SERAC1: variants seen among roughly 807,000 people sequenced by gnomAD.
SERAC1 encodes protein SERAC1.
In SERAC1, 36 loss-of-function variants were observed where a neutral mutation model predicts 85.7. The observed-to-expected ratio is 0.42, with a 90% CI of 0.32 to 0.55. The LOEUF (loss-of-function observed/expected upper bound fraction) is 0.55, where lower values mean the gene tolerates loss of function less well. Among genes scored for constraint, SERAC1 ranks in the 20% least tolerant of loss-of-function variants. The pLI is 0.11. For synonymous variants in SERAC1, 242 were observed against 265.3 expected (o/e 0.91, Z 0.85); for missense variants, 629 against 796.2 (o/e 0.79, Z 2.53).
At position 158,168,258 on chromosome 6, in the gene SERAC1, A is replaced by G. The variant is rs572533230; in HGVS notation, c.-120T>C. The G allele has an allele frequency of 3.3e-5, 5 of 151,042 alleles. No individual in the cohort carries two copies. The highest frequency in any genetic ancestry group is 6.6e-5 in the Admixed American group (1 of 15,182). 9.4% of individuals were successfully genotyped at this position (151,042 alleles called of 1,614,324 possible). On this transcript the variant is annotated 5_prime_UTR_variant, in exon 1 of 17. Coordinates refer to ENST00000647468, the MANE Select transcript of SERAC1 (RefSeq NM_032861.4). ...TCCACCCGGCGGCTGGCGGCTCGTG[A>G]CCCCGCCCCCTCGGCCCGCTCTGGG... is the stretch of plus-strand genomic sequence containing the variant.
intron 8 of SERAC1, among the ~76,000 whole-genome samples, chr6:158,138,784 G>T (rs1784854345): frequency 1.3e-5 from 2 of 152,288 alleles, no homozygotes; most frequent in Non-Finnish European, 2.9e-5. Context: ...GAGAAGGGAT[G>T]AATACAGATT....
chr6:158,139,889 G>C (rs1784876701), intron 8 of SERAC1, among the ~76,000 whole-genome samples: 1 of 152,060 alleles, frequency 6.6e-6, no homozygotes, highest in African/African-American at 2.4e-5. Context: ...CCAGAATGAA[G>C]ATACTACTTC....
intron 1 of SERAC1, among the ~76,000 whole-genome samples, chr6:158,167,525 G>A (rs1470309271): frequency 1.7e-5 from 2 of 120,990 alleles, no homozygotes; most frequent in Non-Finnish European, 1.6e-5. Context: ...CAGACAGACC[G>A]AGACTCCATC....
At chr6:158,115,073 G>A in intron 14 of SERAC1, 102 bp from the exon 15 acceptor site, 1 of 1,255,486 alleles carries the variant, frequency 8.0e-7, no homozygotes, top group Non-Finnish European at 1.1e-6. Flanking sequence ...AAAAAGAGAT[G>A]CTTTCTTTTT....
chr6:158,146,784 T>C lies in SERAC1; in HGVS notation c.485A>G (p.His162Arg). 6.2e-7 allele frequency: 1 copy of C among 1,613,522 alleles called. No individual in the cohort carries two copies. Among genetic ancestry groups the C allele is most frequent in the Non-Finnish European group, 8.5e-7 (1 of 1,179,610 alleles). Residue 162 changes from histidine (H) to arginine (R), a missense_variant and splice_region_variant, in exon 6 of 17, where the codon CAT (histidine) becomes CGT (arginine). By Grantham distance (29) the His-to-Arg change is conservative. Coordinates refer to ENST00000647468, the MANE Select transcript of SERAC1 (RefSeq NM_032861.4). ...ACCTGTTCAGGTAGTCTCATTACCA[T>C]GCCAGTGATGGGTCTCCGACATTTC... ...VREMSETHHWHDYQYRIIAQA... is the reference protein window; with the variant it reads ...VREMSETHHWRDYQYRIIAQA...
chr6:158,124,748 AACACACACACACACACACACAC>A (rs201023302), intron 10 of SERAC1, among the ~76,000 whole-genome samples: 1 of 131,406 alleles, frequency 7.6e-6, no homozygotes, highest in Non-Finnish European at 1.6e-5. Flanking sequence ...AATGCTGGAA[AACACACACACACACACACACAC>A]ACACACACAC....
intron 8 of SERAC1, among the ~76,000 whole-genome samples, chr6:158,139,862 G>A (rs1027134722): frequency 2.0e-5 from 3 of 152,202 alleles, no homozygotes; most frequent in Non-Finnish European, 4.4e-5. Context: ...TTAAGCATTA[G>A]GAAATGCAAA....
chr6:158,137,879 CA>C (rs1242887531), intron 8 of SERAC1, among the ~76,000 whole-genome samples: 1 of 150,726 alleles, frequency 6.6e-6, no homozygotes, highest in Non-Finnish European at 1.5e-5. Context: ...ACCCTCATCT[CA>C]AAAAAAAGGT....
chr6:158,148,944 C>T lies in SERAC1; in HGVS notation c.276G>A (p.Trp92Ter). 6.2e-7 allele frequency: 1 copy of T among 1,602,598 alleles called. No homozygotes were observed. The highest frequency in any genetic ancestry group is 8.5e-7 in the Non-Finnish European group (1 of 1,172,714). ...CTTTGTGAAGTTCTTTTCTTGCCTG[C>T]CAGGCAATACCTAAAATGATTATAA... is the stretch of plus-strand genomic sequence containing the variant. ...LDKGENHGIA[W>*]QARKELHKAV... is the part of the protein sequence containing the mutation. Residue 92 changes from tryptophan to a stop codon, truncating the protein, a stop_gained, in exon 5 of 17, where the codon TGG becomes TGA. Transcript: ENST00000647468. LOFTEE classifies it high-confidence loss of function.
At chr6:158,122,196 G>A (rs1784439194) in intron 10 of SERAC1, among the ~76,000 whole-genome samples, 2 of 152,232 alleles carry the variant, frequency 1.3e-5, no homozygotes, top group Admixed American at 1.3e-4. Flanking sequence ...CAGCCTAGGT[G>A]TGGAATAGGT....
intron 8 of SERAC1, among the ~76,000 whole-genome samples, chr6:158,141,692 A>G (rs139481417): frequency 5.8e-4 from 89 of 152,330 alleles, no homozygotes; most frequent in African/African-American, 2.0e-3. Flanking sequence ...AGAGCCAGGG[A>G]TACCTTGTCA....
intron 10 of SERAC1, among the ~76,000 whole-genome samples, chr6:158,126,930 G>A (rs1784552071): frequency 6.6e-6 from 1 of 152,050 alleles, no homozygotes; most frequent in African/African-American, 2.4e-5. Context: ...GCACGTGCCT[G>A]TAGTCCCAGC....
At chr6:158,139,363 TTCTTACAATTCAACAATATAAAGAAC>T (rs1212600971) in intron 8 of SERAC1, among the ~76,000 whole-genome samples, 11 of 152,308 alleles carry the variant, frequency 7.2e-5, no homozygotes, top group Admixed American at 2.6e-4. Flanking sequence ...ATATAAAGAA[TTCTTACAATTCAACAATATAAAGAAC>T]TCTTACAACT....
intron 3 of SERAC1, chr6:158,150,912 C>A: frequency 4.3e-6 from 1 of 233,908 alleles, no homozygotes; most frequent in East Asian, 8.6e-5. Context: ...TGCTGCCCGT[C>A]CTATAAAAGT....
chr6:158,114,843 C>CAG lies in SERAC1; in HGVS notation c.1628_1629dup (p.Val544LeufsTer43), dbSNP rs767780913. The stretch of plus-strand genomic sequence containing the variant: ...GGGAAGAGAAGATAGCGAATATTAA[C>CAG]AGAGTATTCAGCCAAACGTGATCCA... On this transcript the variant is annotated frameshift_variant, in exon 15 of 17. Transcript: ENST00000647468. LOFTEE classifies it high-confidence loss of function. The CAG allele has an allele frequency of 2.5e-6, 4 of 1,613,888 alleles. No individual in the cohort carries two copies. Among genetic ancestry groups the CAG allele is most frequent in the Non-Finnish European group, 3.4e-6 (4 of 1,179,978 alleles).
At chr6:158,128,400 G>A (rs1212537471) in intron 9 of SERAC1, 130 bp from the exon 10 acceptor site, 1 of 754,672 alleles carries the variant, frequency 1.3e-6, no homozygotes, top group Non-Finnish European at 2.1e-6. Context: ...ACTCCTCAAA[G>A]CTCTTGTCTC....
Position 158,144,331 on chromosome 6 carries a change from G to C in SERAC1, c.577C>G (p.Leu193Val), listed in dbSNP as rs767996233. Residue 193 changes from leucine (L) to valine (V), a missense_variant, in exon 7 of 17, where the codon CTC becomes GTC. Coordinates refer to ENST00000647468, the MANE Select transcript of SERAC1 (RefSeq NM_032861.4). The part of the protein sequence containing the change: ...RSEESDLRFF[L>V]LPPPLPSLKE... ...AAAGATGGCAAAGGAGGTGGTAGGAGAAAAAAGCGAAGATCACTCTCTTCG... is the reference window on the plus strand; with the variant it reads ...AAAGATGGCAAAGGAGGTGGTAGGACAAAAAAGCGAAGATCACTCTCTTCG... 1.2e-6 allele frequency: 2 copies of C among 1,612,678 alleles called. No homozygotes were observed. The highest frequency in any genetic ancestry group is 1.7e-6 in the Non-Finnish European group (2 of 1,179,088).
At chr6:158,127,250 C>CA (rs138622272) in intron 10 of SERAC1, among the ~76,000 whole-genome samples, 6,372 of 68,926 alleles carry the variant, frequency 0.092, 3,003 homozygotes, top group East Asian at 0.16. Context: ...ATGAACATAT[C>CA]TCGGCCCCCC....
At chr6:158,136,483 G>A (rs1395626034) in intron 8 of SERAC1, among the ~76,000 whole-genome samples, 1 of 152,040 alleles carries the variant, frequency 6.6e-6, no homozygotes, top group Non-Finnish European at 1.5e-5. Context: ...TGTACGTGAG[G>A]AGTTTTGTTT....
Sources: allele counts gnomAD v4.1 joint callset (sites outside exome capture counted in the v4.1 genomes callset), GRCh38; gene constraint gnomAD v4.1.1; transcripts MANE v1.5; gene names NCBI Gene and HGNC (gene_info 2026-07-23, HGNC 2026-07-21).